The following ZFHX3 variants were observed in gnomAD, a reference collection of about 807,000 sequenced individuals.
ZFHX3 encodes the protein zinc finger homeobox protein 3.
Under a neutral mutation model 279.1 loss-of-function variants are expected in ZFHX3, and 42 were observed. The ratio of observed to expected loss-of-function variants is 0.15; its 90% CI spans 0.12 to 0.19. The LOEUF (loss-of-function observed/expected upper bound fraction) is 0.19. Ranked by LOEUF, ZFHX3 falls within the 10% of genes least tolerant of loss-of-function variation. ZFHX3 has a pLI of 1.00. For synonymous variants in ZFHX3, 2,293 were observed against 1,957.8 expected, an observed-to-expected ratio of 1.17 and a Z score of -4.52; for missense variants, 4,981 against 4,754.0, an observed-to-expected ratio of 1.05 and a Z score of -1.40.
intron 2 of ZFHX3, among the ~76,000 whole-genome samples, chr16:73,636,850 T>C (rs942201306): frequency 4.6e-5 from 7 of 152,196 alleles, no homozygotes; most frequent in Non-Finnish European, 1.0e-4. Flanking sequence ...TCTATAACTT[T>C]AGTATCACTA....
At position 72,915,521 on chromosome 16, in the gene ZFHX3, C is replaced by A. The variant is rs189305318; in HGVS notation, c.3217-25559G>T. 1.2e-4 allele frequency among the ~76,000 whole-genome samples: 18 copies of A among 152,158 alleles called. 1 individual carries two copies. The highest frequency in any genetic ancestry group is 2.5e-4 in the Non-Finnish European group (17 of 68,044). ...GGCTCACACTTGTAACCCCGGCACT[C>A]CTGGATGCCAAGGCTCAAGAGGAGC... On this transcript the variant is annotated intron_variant, in intron 3 of 9. Transcript: ENST00000268489.
At chr16:73,640,572 A>G (rs1216410193) in intron 2 of ZFHX3, among the ~76,000 whole-genome samples, 4 of 152,212 alleles carry the variant, frequency 2.6e-5, no homozygotes, top group Non-Finnish European at 4.4e-5. Context: ...AATAAAAACT[A>G]GAATACCACA....
At chr16:73,241,026 G>A (rs2013105868) in intron 5 of ZFHX3, among the ~76,000 whole-genome samples, 1 of 152,200 alleles carries the variant, frequency 6.6e-6, no homozygotes, top group South Asian at 2.1e-4. Flanking sequence ...ATGGGGTGGT[G>A]CATTTTTCTC....
intron 8 of ZFHX3, among the ~76,000 whole-genome samples, chr16:73,069,622 T>C (rs928244281): frequency 1.3e-5 from 2 of 152,148 alleles, no homozygotes; most frequent in African/African-American, 4.8e-5. Flanking sequence ...AAGGGGTGAA[T>C]TGTCTCATTA....
chr16:73,259,750 T>C (rs1005768585), intron 4 of ZFHX3, among the ~76,000 whole-genome samples: 25 of 152,236 alleles, frequency 1.6e-4, no homozygotes, highest in Non-Finnish European at 3.1e-4. Flanking sequence ...TGTCTAAACA[T>C]TAACATTTTA....
At chr16:73,246,683 C>G (rs1412674941) in intron 5 of ZFHX3, among the ~76,000 whole-genome samples, 8 of 152,198 alleles carry the variant, frequency 5.3e-5, no homozygotes, top group Non-Finnish European at 5.9e-5. Context: ...TATCTTAAAG[C>G]AAGTCTACAT....
chr16:73,570,886 C>G (rs1163416576), intron 2 of ZFHX3, among the ~76,000 whole-genome samples: 1 of 150,378 alleles, frequency 6.6e-6, no homozygotes, highest in African/African-American at 2.4e-5. Flanking sequence ...GTTTAATTCC[C>G]TGACAAGAGC....
intron 2 of ZFHX3, among the ~76,000 whole-genome samples, chr16:73,635,197 G>C (rs971456059): frequency 1.3e-5 from 2 of 152,160 alleles, no homozygotes; most frequent in African/African-American, 4.8e-5. Flanking sequence ...TTCAGGCAAA[G>C]ATCTTTATAT....
chr16:73,485,167 T>C (rs2143635516), intron 2 of ZFHX3, among the ~76,000 whole-genome samples: 1 of 151,988 alleles, frequency 6.6e-6, no homozygotes, highest in Middle Eastern at 3.4e-3. Context: ...GGTTGAAAAA[T>C]GAGTAAGAGG....
At position 73,552,690 on chromosome 16, in the gene ZFHX3, C is replaced by G. The variant is rs144025473; in HGVS notation, c.-1546-96432G>C. ...TTCTCTGAACTCTGTTCTCAGAGGA[C>G]ATGAGTGTAAATGAGGGAAGAAAGG... is the stretch of plus-strand genomic sequence containing the variant. On this transcript the variant is annotated intron_variant, in intron 2 of 17. Transcript: ENST00000641206. Among the ~76,000 whole-genome samples the G allele has an allele frequency of 8.0e-4, 121 of 151,896 alleles. 2 individuals are homozygous for G. The highest frequency in any genetic ancestry group is 6.9e-3 in the Admixed American group (105 of 15,280).
chr16:72,987,915 C>A (rs1359956141), intron 1 of ZFHX3, among the ~76,000 whole-genome samples: 1 of 152,160 alleles, frequency 6.6e-6, no homozygotes, highest in Non-Finnish European at 1.5e-5. Flanking sequence ...AAGCTGGACG[C>A]CCTATTCATT....
intron 5 of ZFHX3, among the ~76,000 whole-genome samples, chr16:73,164,999 A>G (rs1967326099): frequency 6.6e-6 from 1 of 152,232 alleles, no homozygotes; most frequent in African/African-American, 2.4e-5. Flanking sequence ...CTCATTGACA[A>G]GCATGGGGAT....
intron 2 of ZFHX3, among the ~76,000 whole-genome samples, chr16:73,562,462 A>G (rs576186369): frequency 7.9e-5 from 12 of 152,122 alleles, no homozygotes; most frequent in East Asian, 3.9e-4. Flanking sequence ...TGGGCGTGGT[A>G]GCGTGCGCCT....
chr16:73,664,544 T>C (rs1405816161), intron 2 of ZFHX3, among the ~76,000 whole-genome samples: 1 of 152,206 alleles, frequency 6.6e-6, no homozygotes, highest in Admixed American at 6.5e-5. Flanking sequence ...TATCCACAAA[T>C]AGTCACCAAT....
intron 2 of ZFHX3, among the ~76,000 whole-genome samples, chr16:73,581,492 G>A (rs2051860061): frequency 6.6e-6 from 1 of 151,604 alleles, no homozygotes; most frequent in South Asian, 2.1e-4. Context: ...ATGGATGCTT[G>A]TTACTTTCAG....
intron 1 of ZFHX3, among the ~76,000 whole-genome samples, chr16:73,834,891 A>G (rs1961095984): frequency 7.1e-6 from 1 of 141,018 alleles, no homozygotes; most frequent in South Asian, 2.4e-4. Flanking sequence ...TTCGTCTCAA[A>G]AAAAAAAGAA....
At chr16:73,772,779 T>C (rs2076055261) in intron 1 of ZFHX3, among the ~76,000 whole-genome samples, 1 of 152,240 alleles carries the variant, frequency 6.6e-6, no homozygotes, top group South Asian at 2.1e-4. Context: ...TGTGTGTTTC[T>C]GAGCTATCTA....
intron 1 of ZFHX3, among the ~76,000 whole-genome samples, chr16:73,043,931 C>A (rs974856935): frequency 6.6e-6 from 1 of 152,180 alleles, no homozygotes; most frequent in African/African-American, 2.4e-5. Context: ...TTCAAAGTGG[C>A]TTGCCAATGA....
At chr16:73,665,502 C>G (rs1422900862) in intron 2 of ZFHX3, among the ~76,000 whole-genome samples, 1 of 151,808 alleles carries the variant, frequency 6.6e-6, no homozygotes, top group Non-Finnish European at 1.5e-5. Context: ...GCATGAGCCA[C>G]CATGCCTGGC....
Sources: gnomAD v4.1 joint callset for allele counts (sites outside exome capture counted in the v4.1 genomes callset) on GRCh38, gnomAD v4.1.1 for gene constraint, MANE v1.5 for transcripts, NCBI Gene and HGNC (gene_info 2026-07-23, HGNC 2026-07-21) for gene names.